DCC: variants seen among roughly 807,000 people sequenced by gnomAD.
DCC encodes netrin receptor DCC.
In DCC, 58 loss-of-function variants were observed where a neutral mutation model predicts 172.5. The observed-to-expected ratio is 0.34, with a 90% CI of 0.27 to 0.42. DCC has a LOEUF of 0.42. Among genes scored for constraint, DCC ranks in the 10% least tolerant of loss-of-function variants. DCC has a pLI of 1.00. For missense variants in DCC, 1,740 were observed against 1,791.0 expected, an observed-to-expected ratio of 0.97 and a Z score of 0.51; for synonymous variants, 709 against 644.5, an observed-to-expected ratio of 1.10 and a Z score of -1.52.
At chr18:52,362,297 C>T (rs901578317) in intron 1 of DCC, among the ~76,000 whole-genome samples, 10 of 152,238 alleles carry the variant, frequency 6.6e-5, no homozygotes, top group African/African-American at 1.4e-4. Flanking sequence ...CCAGATTTGA[C>T]GGTTATGTCC....
At chr18:53,238,503 T>C (rs545583372) in intron 12 of DCC, among the ~76,000 whole-genome samples, 2 of 152,318 alleles carry the variant, frequency 1.3e-5, no homozygotes, top group South Asian at 2.1e-4. Context: ...TATTGATATT[T>C]GTCCAAGCAC....
At chr18:53,275,651 C>T (rs2056796753) in intron 12 of DCC, among the ~76,000 whole-genome samples, 1 of 152,106 alleles carries the variant, frequency 6.6e-6, no homozygotes, top group South Asian at 2.1e-4. Flanking sequence ...AACAATATAG[C>T]AAGCAACAAC....
At chr18:53,488,343 C>A (rs1197980534) in intron 26 of DCC, among the ~76,000 whole-genome samples, 1 of 152,008 alleles carries the variant, frequency 6.6e-6, no homozygotes, top group Non-Finnish European at 1.5e-5. Context: ...ACACTGCAAT[C>A]CAGCCTGGGT....
chr18:52,380,081 A>T (rs1985520586), intron 1 of DCC, among the ~76,000 whole-genome samples: 1 of 152,010 alleles, frequency 6.6e-6, no homozygotes, highest in Non-Finnish European at 1.5e-5. Flanking sequence ...CCACACATGG[A>T]AGAAGATGAA....
chr18:52,669,916 T>C (rs1460831089), intron 1 of DCC, among the ~76,000 whole-genome samples: 3 of 150,256 alleles, frequency 2.0e-5, no homozygotes, highest in African/African-American at 7.3e-5. Flanking sequence ...ACAAGTGTGT[T>C]TTTTAGGTCT....
At chr18:53,468,336 G>GTTGATT (rs2045648844) in intron 25 of DCC, among the ~76,000 whole-genome samples, 5 of 37,390 alleles carry the variant, frequency 1.3e-4, no homozygotes, top group Non-Finnish European at 3.0e-4. Flanking sequence ...CATCTCCATA[G>GTTGATT]TTTATTTTTA....
At chr18:52,343,502 G>A (rs1983745974) in intron 1 of DCC, among the ~76,000 whole-genome samples, 1 of 152,194 alleles carries the variant, frequency 6.6e-6, no homozygotes, top group Non-Finnish European at 1.5e-5. Flanking sequence ...GCCCTGAAAA[G>A]TGTCAGTAGA....
intron 2 of DCC, among the ~76,000 whole-genome samples, chr18:52,897,504 T>A (rs4442912): frequency 0.4 from 60,453 of 152,150 alleles, 12,572 homozygotes; most frequent in Non-Finnish European, 0.47. Flanking sequence ...TTTTTCTTTC[T>A]GTAAATATTT....
chr18:53,535,494 CA>C lies in DCC; in HGVS notation c.*4844del, dbSNP rs1012765699. On this transcript the variant is annotated 3_prime_UTR_variant, in exon 29 of 29. Coordinates refer to ENST00000442544, the MANE Select transcript of DCC (RefSeq NM_005215.4). ...TACTCATTCAAAGGGCTTTGCAACT[CA>C]AACAGATTGTTAGTGTGCTAGTGAT... is the stretch of plus-strand genomic sequence containing the variant. 3 of 152,198 alleles carry C rather than the reference CA, an allele frequency of 2.0e-5. No individual in the cohort carries two copies. Among genetic ancestry groups the C allele is most frequent in the African/African-American group, 7.2e-5 (3 of 41,454 alleles). The allele number at this position is 152,198 out of a possible 1,614,324, so 9.4% of individuals were successfully genotyped here. A position where few individuals can be genotyped will look rare whatever the true frequency, so the allele number is the denominator to read the frequency against.
At chr18:53,373,429 A>C (rs571948783) in intron 15 of DCC, among the ~76,000 whole-genome samples, 1 of 152,080 alleles carries the variant, frequency 6.6e-6, no homozygotes, top group African/African-American at 2.4e-5. Flanking sequence ...CTAAAATGCT[A>C]CTTGATTTTC....
At chr18:52,642,014 G>GTATATATA (rs1193018662) in intron 1 of DCC, among the ~76,000 whole-genome samples, 2 of 34,504 alleles carry the variant, frequency 5.8e-5, no homozygotes, top group African/African-American at 1.7e-4. Flanking sequence ...GTGTGTGTGT[G>GTATATATA]TATATATATA....
intron 1 of DCC, among the ~76,000 whole-genome samples, chr18:52,688,966 A>G (rs2035886079): frequency 6.6e-6 from 1 of 152,140 alleles, no homozygotes; most frequent in South Asian, 2.1e-4. Flanking sequence ...ATTTATTTTT[A>G]TTAAAATAAT....
chr18:53,027,288 T>G (rs546414458), intron 5 of DCC, among the ~76,000 whole-genome samples: 1 of 152,202 alleles, frequency 6.6e-6, no homozygotes, highest in Admixed American at 6.6e-5. Flanking sequence ...ATGATGAATG[T>G]GGAAAGGGTT....
chr18:53,425,609 G>A (rs1383350107), intron 21 of DCC, among the ~76,000 whole-genome samples: 3 of 151,796 alleles, frequency 2.0e-5, no homozygotes, highest in Non-Finnish European at 2.9e-5. Flanking sequence ...TGACCTGCCC[G>A]CCTCGGCCTC....
At chr18:53,154,220 T>C (rs1485018685) in intron 7 of DCC, among the ~76,000 whole-genome samples, 2 of 152,160 alleles carry the variant, frequency 1.3e-5, no homozygotes, top group African/African-American at 2.4e-5. Context: ...CGATGGGATT[T>C]GCCCTTCCGT....
At chr18:52,354,473 C>T (rs961434894) in intron 1 of DCC, among the ~76,000 whole-genome samples, 62 of 152,146 alleles carry the variant, frequency 4.1e-4, no homozygotes, top group African/African-American at 1.4e-3. Flanking sequence ...GTGGCAAAGT[C>T]TAACTTGACA....
At chr18:52,496,356 T>C (rs1285431012) in intron 1 of DCC, among the ~76,000 whole-genome samples, 1 of 152,076 alleles carries the variant, frequency 6.6e-6, no homozygotes, top group Non-Finnish European at 1.5e-5. Flanking sequence ...ATCGGGACAA[T>C]GTAGAAATAT....
Position 53,486,815 on chromosome 18 carries a change from C to T in DCC, c.3755C>T (p.Pro1252Leu), listed in dbSNP as rs771949525. 34 of 1,614,012 alleles carry T rather than the reference C, an allele frequency of 2.1e-5. No individual in the cohort carries two copies. The highest frequency in any genetic ancestry group is 5.0e-5 in the Admixed American group (3 of 59,986). The change falls in exon 26 of 29, where the codon CCG becomes CTG. Residue 1252 changes from proline to leucine, a missense_variant. Pro to Leu is a moderately conservative substitution (Grantham distance 98, BLOSUM62 -3). Coordinates refer to ENST00000442544, the MANE Select transcript of DCC (RefSeq NM_005215.4). ...TTTGCAGCTGTCGTGAGCGCCATCC[C>T]GGTGCCAACGCTAGAAAGTGCCCAG... is the stretch of plus-strand genomic sequence containing the variant. Reference protein sequence around the residue: ...SNNPAVVSAIPVPTLESAQYP... With the variant: ...SNNPAVVSAILVPTLESAQYP...
intron 21 of DCC, among the ~76,000 whole-genome samples, chr18:53,428,484 T>G (rs1326304368): frequency 3.2e-5 from 1 of 31,180 alleles, no homozygotes; most frequent in African/African-American, 7.7e-5. Context: ...ATAATATATA[T>G]TTTTTATATA....
Sources: allele counts gnomAD v4.1 joint callset (sites outside exome capture counted in the v4.1 genomes callset), GRCh38; gene constraint gnomAD v4.1.1; transcripts MANE v1.5; gene names NCBI Gene and HGNC (gene_info 2026-07-23, HGNC 2026-07-21).